The following DNAH9 variants were observed in gnomAD, a reference collection of about 807,000 sequenced individuals.
The protein encoded by DNAH9 is dynein axonemal heavy chain 9.
Under a neutral mutation model 471.6 loss-of-function variants are expected in DNAH9, and 345 were observed. The ratio of observed to expected loss-of-function variants is 0.73; its 90% confidence interval spans 0.67 to 0.80. The LOEUF (loss-of-function observed/expected upper bound fraction) is 0.80, where lower values mean the gene tolerates loss of function less well. DNAH9 is among the 30% of genes least tolerant of loss of function. The pLI, the probability that DNAH9 is intolerant of heterozygous loss-of-function variation, is 0.00. For synonymous variants in DNAH9, 2,093 were observed against 2,123.6 expected, an observed-to-expected ratio of 0.99 and a Z score of 0.40; for missense variants, 5,407 against 5,609.2, an observed-to-expected ratio of 0.96 and a Z score of 1.15.
chr17:11,915,522 A>AAAAC (rs61595504), intron 61 of DNAH9, among the ~76,000 whole-genome samples: 26,420 of 151,728 alleles, frequency 0.17, 2,532 homozygotes, highest in African/African-American at 0.25. Flanking sequence ...CTCCATCTCA[A>AAAAC]AAACAAACAA....
rs531624884 is a variant in DNAH9 at position 11,809,553 on chromosome 17, C to T, written c.8584-693C>T. On this transcript the variant is annotated intron_variant, in intron 44 of 68. Coordinates refer to ENST00000262442, the MANE Select transcript of DNAH9 (RefSeq NM_001372.4). ...CTGCACTCCAGCCTGGGTGACAGAG[C>T]GAGAATCCATCTCAAAAAATAAAAA... 4.0e-4 allele frequency among the ~76,000 whole-genome samples: 61 copies of T among 152,022 alleles called. No homozygotes were observed. The South Asian group carries it at 0.011, about 29-fold the overall frequency.
intron 67 of DNAH9, among the ~76,000 whole-genome samples, 173 bp downstream of exon 67, chr17:11,942,658 T>A (rs552848617): frequency 4.6e-5 from 7 of 152,330 alleles, no homozygotes; most frequent in African/African-American, 1.7e-4. Flanking sequence ...CATGAGGTTG[T>A]CTACAAGAAC....
intron 67 of DNAH9, among the ~76,000 whole-genome samples, chr17:11,954,617 A>C (rs1400693168): frequency 6.6e-6 from 1 of 152,052 alleles, no homozygotes; most frequent in Admixed American, 6.5e-5. Context: ...CTAAGTAAAG[A>C]TGTTTTCAGA....
rs561530680 is a variant in DNAH9, at chr17:11,685,666, G to A, written c.3744-3900G>A. Among the ~76,000 whole-genome samples, 631 of 152,284 alleles carry A rather than the reference G, an allele frequency of 4.1e-3. 5 individuals carry two copies. The highest frequency in any genetic ancestry group is 7.6e-3 in the Non-Finnish European group (514 of 68,022). On this transcript the variant is annotated intron_variant, in intron 19 of 68. Transcript: ENST00000262442. ...GATTGATTGAATGTGGGAGATGGAG[G>A]AGAAGGAGAGTGTAAGGGGATTTTT...
intron 22 of DNAH9, 79 bp from the exon 23 acceptor site, chr17:11,699,652 A>G: frequency 1.5e-6 from 2 of 1,300,800 alleles, no homozygotes; most frequent in Middle Eastern, 1.8e-4. Context: ...TGATTGCCAC[A>G]TGGTAGGCCT....
At chr17:11,729,033 T>C (rs2075209745) in intron 28 of DNAH9, among the ~76,000 whole-genome samples, 1 of 151,984 alleles carries the variant, frequency 6.6e-6, no homozygotes, top group African/African-American at 2.4e-5. Flanking sequence ...TCGAACCCAA[T>C]AGTAGCAGGC....
intron 49 of DNAH9, among the ~76,000 whole-genome samples, chr17:11,841,996 T>G (rs1342208487): frequency 2.6e-5 from 4 of 152,186 alleles, no homozygotes; most frequent in Non-Finnish European, 5.9e-5. Flanking sequence ...TTTTATACAG[T>G]TTCTCATTAT....
chr17:11,723,735 T>C (rs2075103712), intron 27 of DNAH9, among the ~76,000 whole-genome samples: 1 of 152,094 alleles, frequency 6.6e-6, no homozygotes, highest in Non-Finnish European at 1.5e-5. Flanking sequence ...TGGCACGATC[T>C]CAGCTCACTG....
chr17:11,660,803 G>A (rs1337892927), intron 14 of DNAH9, among the ~76,000 whole-genome samples: 1 of 152,174 alleles, frequency 6.6e-6, no homozygotes, highest in Non-Finnish European at 1.5e-5. Context: ...TCATGACCCA[G>A]AATATAGTCT....
chr17:11,609,340 T>C (rs917444387), intron 2 of DNAH9, among the ~76,000 whole-genome samples: 2 of 152,244 alleles, frequency 1.3e-5, no homozygotes, highest in African/African-American at 4.8e-5. Flanking sequence ...AATAAAGATA[T>C]CCAATCTTCA....
chr17:11,848,765 T>A (rs1405568435), intron 49 of DNAH9, among the ~76,000 whole-genome samples: 1 of 152,142 alleles, frequency 6.6e-6, no homozygotes, highest in African/African-American at 2.4e-5. Flanking sequence ...AGATAAATTT[T>A]AGATAAAGTG....
chr17:11,830,656 C>T (rs777087275), intron 48 of DNAH9, among the ~76,000 whole-genome samples: 17 of 152,142 alleles, frequency 1.1e-4, no homozygotes, highest in Non-Finnish European at 1.6e-4. Flanking sequence ...TACATGATGT[C>T]GTTATCAAGA....
At chr17:11,881,543 C>A in intron 55 of DNAH9, 130 bp downstream of exon 55, 2 of 886,264 alleles carry the variant, frequency 2.3e-6, no homozygotes, top group African/African-American at 1.7e-5. Context: ...TGGAAGACTG[C>A]TGACCCCATG....
At chr17:11,797,910 C>T in intron 43 of DNAH9, 117 bp downstream of exon 43, 1 of 1,037,440 alleles carries the variant, frequency 9.6e-7, no homozygotes, top group East Asian at 2.6e-5. Context: ...CCGGCTTCTG[C>T]CTTAAAAGTC....
At chr17:11,664,286 AGAGT>A (rs1207287846) in intron 14 of DNAH9, among the ~76,000 whole-genome samples, 3 of 151,602 alleles carry the variant, frequency 2.0e-5, no homozygotes, top group African/African-American at 7.3e-5. Context: ...AGAGAGAGAG[AGAGT>A]GAGAGAGAGA....
At chr17:11,817,806 ACTAT>A (rs1488579401) in intron 45 of DNAH9, among the ~76,000 whole-genome samples, 37 of 152,324 alleles carry the variant, frequency 2.4e-4, no homozygotes, top group African/African-American at 8.9e-4. Context: ...CATGTCATTA[ACTAT>A]CTCAAAGAAT....
intron 27 of DNAH9, among the ~76,000 whole-genome samples, chr17:11,719,756 T>G (rs1194581241): frequency 6.6e-6 from 1 of 152,206 alleles, no homozygotes; most frequent in Non-Finnish European, 1.5e-5. Context: ...CACAGATGGC[T>G]GACTTCATCT....
intron 14 of DNAH9, among the ~76,000 whole-genome samples, chr17:11,661,248 T>C (rs2073755674): frequency 6.6e-6 from 1 of 152,108 alleles, no homozygotes; most frequent in Admixed American, 6.6e-5. Flanking sequence ...TCCTATCTGA[T>C]TCATTATTCT....
In DNAH9 at chr17:11,902,799, G is replaced by C; in HGVS notation, c.11487G>C (p.Glu3829Asp). 1.9e-6 allele frequency: 3 copies of C among 1,614,076 alleles called. No homozygotes were observed. Among genetic ancestry groups the C allele is most frequent in the Non-Finnish European group, 2.5e-6 (3 of 1,179,914 alleles). The change falls in exon 60 of 69, where the codon GAG becomes GAC. Residue 3829 changes from glutamate (E) to aspartate (D), a missense_variant. Physicochemically the swap from Glu to Asp is conservative, Grantham distance 45 (BLOSUM62 2). Coordinates refer to ENST00000262442, the MANE Select transcript of DNAH9 (RefSeq NM_001372.4). ...CTAAGAGCTGGAAAAAGTTTGTGGA[G>C]TCCGAATGTCCTGAGAAAGAGAAGC... is the stretch of plus-strand genomic sequence containing the variant. ...GSAKSWKKFVESECPEKEKLP... is the reference protein window; with the variant it reads ...GSAKSWKKFVDSECPEKEKLP...
Sources: allele counts gnomAD v4.1 joint callset (sites outside exome capture counted in the v4.1 genomes callset), GRCh38; gene constraint gnomAD v4.1.1; transcripts MANE v1.5; gene names NCBI Gene and HGNC (gene_info 2026-07-23, HGNC 2026-07-21).